Variants in PDIA5 observed in about 807,000 individuals in gnomAD.
PDIA5 encodes protein disulfide-isomerase A5.
Under a neutral mutation model 77.6 loss-of-function variants are expected in PDIA5, and 58 were observed. The ratio of observed to expected loss-of-function variants is 0.75; its 90% CI spans 0.61 to 0.93. PDIA5 has a LOEUF of 0.93. Ranked by LOEUF, PDIA5 falls within the 40% of genes least tolerant of loss-of-function variation. The pLI is 0.00. For synonymous variants in PDIA5, 250 were observed against 252.1 expected, an observed-to-expected ratio of 0.99 and a Z score of 0.08; for missense variants, 630 against 647.7, an observed-to-expected ratio of 0.97 and a Z score of 0.30.
At chr3:123,129,705 C>T (rs1001682847) in intron 10 of PDIA5, among the ~76,000 whole-genome samples, 10 of 152,188 alleles carry the variant, frequency 6.6e-5, no homozygotes, top group African/African-American at 1.7e-4. Flanking sequence ...GAGCCTCCCT[C>T]CTCCTAGCAG....
intron 3 of PDIA5, among the ~76,000 whole-genome samples, chr3:123,099,129 T>A (rs1275365142): frequency 6.6e-6 from 1 of 152,228 alleles, no homozygotes; most frequent in African/African-American, 2.4e-5. Context: ...AGGGGAGCAG[T>A]GCTGAGAGAA....
Position 123,101,906 on chromosome 3 carries a change from C to CTTTTTTTTTTTT in PDIA5, c.258-495_258-484dup, listed in dbSNP as rs71623603. Among the ~76,000 whole-genome samples the CTTTTTTTTTTTT allele has an allele frequency of 6.7e-3, 481 of 71,370 alleles. 28 individuals are homozygous for CTTTTTTTTTTTT. Among genetic ancestry groups the CTTTTTTTTTTTT allele is most frequent in the Non-Finnish European group, 7.5e-3 (313 of 41,568 alleles). 46.8% of individuals were successfully genotyped at this position (71,370 alleles called of 152,430 possible). ...TCCCCTTCCTTTCCTTTCTTTCTTG[C>CTTTTTTTTTTTT]TTTTTTTTTTTTTTTTTTTTTGAGA... On this transcript the variant is annotated intron_variant, in intron 3 of 16. Coordinates refer to ENST00000316218, the MANE Select transcript of PDIA5 (RefSeq NM_006810.4).
chr3:123,112,586 T>A (rs1191845428), intron 7 of PDIA5, among the ~76,000 whole-genome samples: 1 of 148,340 alleles, frequency 6.7e-6, no homozygotes, highest in Non-Finnish European at 1.5e-5. Flanking sequence ...CCTTGCTCTG[T>A]TGCCCAGGCT....
chr3:123,080,242 A>C (rs1933965812), intron 1 of PDIA5, among the ~76,000 whole-genome samples: 1 of 152,152 alleles, frequency 6.6e-6, no homozygotes, highest in South Asian at 2.1e-4. Context: ...ATATTAGCAT[A>C]TTGAGTTCCC....
rs755592489 is a variant in PDIA5, at chr3:123,154,960, CT to C, written c.1274-10del. 2.5e-5 allele frequency: 40 copies of C among 1,586,042 alleles called. 1 individual carries two copies. The South Asian group carries it at 4.2e-4, about 17-fold the overall frequency. ...TCACAGTCCTGTGTGCTCTCTTCCC[CT>C]CTCACACAGGGTGCCCACACTGTAA... On this transcript the variant is annotated splice_polypyrimidine_tract_variant and intron_variant, in intron 14 of 16. Transcript: ENST00000316218.
chr3:123,113,437 G>A (rs1258665972), intron 7 of PDIA5, among the ~76,000 whole-genome samples: 1 of 152,140 alleles, frequency 6.6e-6, no homozygotes. Flanking sequence ...AGAGAAAGCT[G>A]GGGCAGGGGA....
At chr3:123,155,551 C>T (rs1936003273) in intron 15 of PDIA5, among the ~76,000 whole-genome samples, 1 of 152,188 alleles carries the variant, frequency 6.6e-6, no homozygotes, top group Non-Finnish European at 1.5e-5. Context: ...GCGCGTCCCC[C>T]AGGCACATCC....
intron 1 of PDIA5, among the ~76,000 whole-genome samples, chr3:123,082,521 C>T (rs1934035982): frequency 6.6e-6 from 1 of 151,942 alleles, no homozygotes; most frequent in African/African-American, 2.4e-5. Flanking sequence ...TGGTCTGGGT[C>T]GCTGTGCAGC....
At chr3:123,093,961 G>A (rs1934366406) in intron 3 of PDIA5, among the ~76,000 whole-genome samples, 1 of 152,228 alleles carries the variant, frequency 6.6e-6, no homozygotes, top group South Asian at 2.1e-4. Flanking sequence ...TCCCTGAGCG[G>A]CCTGGAAAAC....
chr3:123,100,556 A>G (rs940500876), intron 3 of PDIA5, among the ~76,000 whole-genome samples: 8 of 152,122 alleles, frequency 5.3e-5, no homozygotes, highest in African/African-American at 1.9e-4. Context: ...TGCCAGGCCC[A>G]TGGCTGGAAG....
At chr3:123,106,894 G>C (rs1934748682) in intron 6 of PDIA5, 53 bp downstream of exon 6, 6 of 1,263,002 alleles carry the variant, frequency 4.8e-6, no homozygotes, top group Middle Eastern at 2.7e-4. Flanking sequence ...CCTGGTACCA[G>C]GGCCTCCCAA....
At chr3:123,132,797 C>T (rs1313947901) in intron 11 of PDIA5, among the ~76,000 whole-genome samples, 1 of 152,214 alleles carries the variant, frequency 6.6e-6, no homozygotes, top group African/African-American at 2.4e-5. Flanking sequence ...TACTGGCTGG[C>T]TGTTTCCAGT....
chr3:123,161,569 G>A, intron 16 of PDIA5, 114 bp downstream of exon 16: 1 of 1,186,842 alleles, frequency 8.4e-7, no homozygotes, highest in Non-Finnish European at 1.2e-6. Context: ...AAGTCAGCTG[G>A]AACACTGCAC....
At chr3:123,092,208 G>C (rs1409720963) in intron 2 of PDIA5, 147 bp from the exon 3 acceptor site, 1 of 646,812 alleles carries the variant, frequency 1.5e-6, no homozygotes, top group Non-Finnish European at 2.8e-6. Context: ...ACTGTTGAAT[G>C]CAGGGATGGG....
intron 15 of PDIA5, 64 bp downstream of exon 15, chr3:123,155,105 C>A: frequency 8.8e-7 from 1 of 1,135,768 alleles, no homozygotes; most frequent in Non-Finnish European, 1.3e-6. Context: ...TCCTTCTTGT[C>A]ATTCAGGTCC....
intron 13 of PDIA5, 100 bp downstream of exon 13, chr3:123,146,359 G>C (rs1306368988): frequency 1.0e-6 from 1 of 993,558 alleles, no homozygotes; most frequent in East Asian, 2.4e-5. Flanking sequence ...AATGTCCTGG[G>C]CTCATGCCCG....
At chr3:123,087,470 AT>A (rs145616985) in intron 1 of PDIA5, among the ~76,000 whole-genome samples, 19,224 of 124,096 alleles carry the variant, frequency 0.15, 1,446 homozygotes, top group Non-Finnish European at 0.21. Context: ...TTTCTAGGAG[AT>A]TTTTTTTTTT....
chr3:123,136,745 A>AAAAT (rs1935513937), intron 11 of PDIA5, among the ~76,000 whole-genome samples: 1 of 151,610 alleles, frequency 6.6e-6, no homozygotes, highest in African/African-American at 2.4e-5. Flanking sequence ...AAAAAAAAAA[A>AAAAT]AAAAGGGGGT....
At chr3:123,110,727 G>A (rs942159681) in intron 6 of PDIA5, among the ~76,000 whole-genome samples, 20 of 152,108 alleles carry the variant, frequency 1.3e-4, no homozygotes, top group Non-Finnish European at 1.5e-5. Flanking sequence ...GGGTGGTCTC[G>A]AATAGATCAT....
Sources: gnomAD v4.1 joint callset for allele counts (sites outside exome capture counted in the v4.1 genomes callset) on GRCh38, gnomAD v4.1.1 for gene constraint, MANE v1.5 for transcripts, NCBI Gene and HGNC (gene_info 2026-07-23, HGNC 2026-07-21) for gene names.